CDH12: variants seen among roughly 807,000 people sequenced by gnomAD.
CDH12 encodes the protein cadherin 12.
CDH12 carries 41 observed loss-of-function variants against 74.1 expected under a neutral mutation model. The observed-to-expected ratio is 0.55, with a 90% CI of 0.43 to 0.72. CDH12 has a LOEUF of 0.72. Ranked by LOEUF, CDH12 falls within the 30% of genes least tolerant of loss-of-function variation. The probability of loss-of-function intolerance (pLI) is 0.00; values close to 1 mark genes in which losing one functional copy is unlikely to be tolerated. For missense variants in CDH12, 945 were observed against 977.2 expected (o/e 0.97, Z 0.44); for synonymous variants, 399 against 355.0 (o/e 1.12, Z -1.39).
intron 1 of CDH12, among the ~76,000 whole-genome samples, chr5:22,660,823 A>G (rs1740309891): frequency 6.6e-6 from 1 of 152,230 alleles, no homozygotes; most frequent in African/African-American, 2.4e-5. Flanking sequence ...TGAGTTTTTA[A>G]AGAATTCATG....
intron 4 of CDH12, among the ~76,000 whole-genome samples, chr5:22,167,053 G>T (rs1332693844): frequency 6.6e-6 from 1 of 152,100 alleles, no homozygotes; most frequent in African/African-American, 2.4e-5. Context: ...GCATAATAAA[G>T]GAGGCTAAAC....
intron 1 of CDH12, among the ~76,000 whole-genome samples, chr5:22,813,564 C>T (rs1036457077): frequency 1.3e-5 from 2 of 151,976 alleles, no homozygotes; most frequent in African/African-American, 4.8e-5. Flanking sequence ...AGATATAGTA[C>T]AGCGAAGGTG....
intron 2 of CDH12, among the ~76,000 whole-genome samples, chr5:22,494,933 C>G (rs1178093174): frequency 6.6e-6 from 1 of 152,130 alleles, no homozygotes; most frequent in Non-Finnish European, 1.5e-5. Flanking sequence ...GTTAAGAAGA[C>G]TCATATAATT....
chr5:22,430,986 A>C (rs1053547189), intron 2 of CDH12, among the ~76,000 whole-genome samples: 1 of 152,174 alleles, frequency 6.6e-6, no homozygotes, highest in Non-Finnish European at 1.5e-5. Context: ...TATATGAACA[A>C]GTGTGAACAT....
chr5:22,626,024 G>A (rs1261583480), intron 1 of CDH12, among the ~76,000 whole-genome samples: 2 of 151,942 alleles, frequency 1.3e-5, no homozygotes, highest in African/African-American at 2.4e-5. Flanking sequence ...AGTGCATGCC[G>A]CCATCCAGAT....
chr5:21,948,380 G>A (rs1755674402), intron 6 of CDH12, among the ~76,000 whole-genome samples: 1 of 152,218 alleles, frequency 6.6e-6, no homozygotes, highest in Admixed American at 6.5e-5. Flanking sequence ...TGGAGACAAG[G>A]AGATTATTTT....
At chr5:21,892,199 G>A (rs568307492) in intron 6 of CDH12, among the ~76,000 whole-genome samples, 4 of 152,224 alleles carry the variant, frequency 2.6e-5, no homozygotes, top group African/African-American at 9.6e-5. Context: ...CTGTGATAAT[G>A]CTAGTAATTC....
intron 1 of CDH12, among the ~76,000 whole-genome samples, chr5:22,587,263 T>C (rs1304843530): frequency 6.6e-6 from 1 of 152,078 alleles, no homozygotes; most frequent in Non-Finnish European, 1.5e-5. Flanking sequence ...CCCCTTTCAC[T>C]TTCCACCATG....
intron 3 of CDH12, among the ~76,000 whole-genome samples, chr5:22,361,311 G>T (rs1041545186): frequency 6.6e-6 from 1 of 152,088 alleles, no homozygotes; most frequent in African/African-American, 2.4e-5. Context: ...GCCAAATCAT[G>T]AGTGAACTCC....
chr5:22,516,674 AGCCCCAGC>A (rs1478015500), intron 1 of CDH12, among the ~76,000 whole-genome samples: 1 of 152,106 alleles, frequency 6.6e-6, no homozygotes, highest in East Asian at 1.9e-4. Flanking sequence ...GCATGCCGGC[AGCCCCAGC>A]TACTAGCGAG....
chr5:21,885,940 G>C (rs1210090622), intron 6 of CDH12, among the ~76,000 whole-genome samples: 1 of 152,084 alleles, frequency 6.6e-6, no homozygotes, highest in Non-Finnish European at 1.5e-5. Context: ...ATTCTGAAAA[G>C]AAGACCCCAG....
chr5:22,805,140 A>T (rs1246078616), intron 1 of CDH12, among the ~76,000 whole-genome samples: 1 of 152,200 alleles, frequency 6.6e-6, no homozygotes, highest in East Asian at 1.9e-4. Flanking sequence ...TCACCTCTAG[A>T]GAATCCTTGC....
intron 5 of CDH12, among the ~76,000 whole-genome samples, chr5:21,993,459 G>A (rs1192001411): frequency 6.6e-6 from 1 of 152,164 alleles, no homozygotes; most frequent in Non-Finnish European, 1.5e-5. Flanking sequence ...TTTTTTCCAA[G>A]TGTAAGAAAA....
At chr5:21,783,708 T>C (rs1746044777) in intron 10 of CDH12, among the ~76,000 whole-genome samples, 2 of 152,132 alleles carry the variant, frequency 1.3e-5, no homozygotes, top group South Asian at 4.1e-4. Context: ...CTGCTGTTCA[T>C]ATTATTTTAG....
At chr5:22,645,469 A>T (rs1739390222) in intron 1 of CDH12, among the ~76,000 whole-genome samples, 1 of 152,020 alleles carries the variant, frequency 6.6e-6, no homozygotes, top group Admixed American at 6.6e-5. Context: ...CTTTTTATGG[A>T]TTAGCAAATA....
At chr5:22,515,214 A>T (rs1736756258) in intron 1 of CDH12, among the ~76,000 whole-genome samples, 1 of 152,158 alleles carries the variant, frequency 6.6e-6, no homozygotes, top group Non-Finnish European at 1.5e-5. Flanking sequence ...GTGGGAAGAC[A>T]TATCCTGTCA....
chr5:22,193,515 C>T (rs1389530889), intron 4 of CDH12, among the ~76,000 whole-genome samples: 1 of 152,176 alleles, frequency 6.6e-6, no homozygotes, highest in Non-Finnish European at 1.5e-5. Context: ...TAGGTTTTCA[C>T]TTTGTGCTGA....
intron 1 of CDH12, among the ~76,000 whole-genome samples, chr5:22,631,037 T>G (rs982204070): frequency 1.3e-5 from 2 of 151,900 alleles, no homozygotes; most frequent in African/African-American, 4.8e-5. Flanking sequence ...TATGAAAAAA[T>G]GCTGAACATT....
At chr5:22,025,279 GATATA>G (rs780663776) in intron 5 of CDH12, among the ~76,000 whole-genome samples, 11 of 152,176 alleles carry the variant, frequency 7.2e-5, no homozygotes, top group Admixed American at 2.0e-4. Flanking sequence ...AAATTAGATA[GATATA>G]ATATACATAT....
Sources: gnomAD v4.1 joint callset for allele counts (sites outside exome capture counted in the v4.1 genomes callset) on GRCh38, gnomAD v4.1.1 for gene constraint, MANE v1.5 for transcripts, NCBI Gene and HGNC (gene_info 2026-07-23, HGNC 2026-07-21) for gene names.